DGKB: variants seen among roughly 807,000 people sequenced by gnomAD.
DGKB encodes the protein 90 kDa diacylglycerol kinase.
In DGKB, 67 loss-of-function variants were observed where a neutral mutation model predicts 114.3. That is an observed-to-expected ratio of 0.59 (90% CI 0.48 to 0.72). The LOEUF (loss-of-function observed/expected upper bound fraction) is 0.72. DGKB is among the 30% of genes least tolerant of loss of function. DGKB has a pLI of 0.00. For missense variants in DGKB, 907 were observed against 975.2 expected (o/e 0.93, Z 0.93); for synonymous variants, 398 against 323.1 (o/e 1.23, Z -2.49).
chr7:14,911,743 A>C (rs563268029), intron 1 of DGKB, among the ~76,000 whole-genome samples: 14 of 152,326 alleles, frequency 9.2e-5, no homozygotes, highest in African/African-American at 3.4e-4. Context: ...ACTATGATCC[A>C]AAACTGCAAA....
intron 21 of DGKB, among the ~76,000 whole-genome samples, chr7:14,408,085 CAT>C (rs1824237475): frequency 6.6e-6 from 1 of 152,118 alleles, no homozygotes; most frequent in Non-Finnish European, 1.5e-5. Flanking sequence ...GAAGACAAAA[CAT>C]ATTTTATCAA....
chr7:14,598,623 G>A (rs1049738482), intron 17 of DGKB, among the ~76,000 whole-genome samples: 5 of 152,032 alleles, frequency 3.3e-5, no homozygotes, highest in African/African-American at 1.2e-4. Flanking sequence ...CAGAAATTCA[G>A]AACTATTTTT....
intron 20 of DGKB, among the ~76,000 whole-genome samples, chr7:14,517,959 G>C (rs1789117151): frequency 6.6e-6 from 1 of 152,090 alleles, no homozygotes; most frequent in Non-Finnish European, 1.5e-5. Context: ...TCCCATTCTG[G>C]GGTATACGCC....
chr7:14,495,914 T>C (rs1417010660), intron 20 of DGKB, among the ~76,000 whole-genome samples: 2 of 151,864 alleles, frequency 1.3e-5, no homozygotes, highest in East Asian at 1.9e-4. Context: ...TGTTGCTAAA[T>C]TGACCACACA....
At chr7:14,164,904 AT>A (rs1784406806) in intron 25 of DGKB, among the ~76,000 whole-genome samples, 1 of 152,194 alleles carries the variant, frequency 6.6e-6, no homozygotes, top group African/African-American at 2.4e-5. Context: ...ATATATGGTA[AT>A]TTTCAACAAC....
chr7:14,885,494 T>C (rs945251583), intron 1 of DGKB, among the ~76,000 whole-genome samples: 5 of 151,610 alleles, frequency 3.3e-5, no homozygotes, highest in African/African-American at 1.2e-4. Flanking sequence ...AAGAAACTCG[T>C]GAGGAGGGTC....
intron 23 of DGKB, among the ~76,000 whole-genome samples, chr7:14,280,687 G>A (rs1451990720): frequency 6.6e-6 from 1 of 151,026 alleles, no homozygotes; most frequent in Non-Finnish European, 1.5e-5. Context: ...CAAGCCAGAA[G>A]AGAGTGGGGG....
chr7:14,890,221 T>C (rs1291238512), intron 1 of DGKB, among the ~76,000 whole-genome samples: 1 of 151,536 alleles, frequency 6.6e-6, no homozygotes, highest in Non-Finnish European at 1.5e-5. Context: ...CCTATTTATA[T>C]AGCTTACGTA....
At chr7:14,871,660 T>C (rs1354513111) in intron 1 of DGKB, among the ~76,000 whole-genome samples, 3 of 152,272 alleles carry the variant, frequency 2.0e-5, no homozygotes, top group Admixed American at 6.5e-5. Context: ...CGTAACACAA[T>C]GCTGAGAAAA....
chr7:14,731,215 T>G (rs912835597), intron 5 of DGKB, among the ~76,000 whole-genome samples: 1 of 152,180 alleles, frequency 6.6e-6, no homozygotes. Context: ...TTGTGCAGAA[T>G]CTAATTAATG....
chr7:14,405,154 T>C (rs115839344), intron 21 of DGKB, among the ~76,000 whole-genome samples: 2,815 of 152,046 alleles, frequency 0.019, 78 homozygotes, highest in African/African-American at 0.06. Context: ...AGAAATTGTG[T>C]ACAGTGTTGC....
intron 1 of DGKB, among the ~76,000 whole-genome samples, chr7:14,965,254 G>A (rs979109407): frequency 2.0e-5 from 3 of 152,084 alleles, no homozygotes; most frequent in African/African-American, 7.2e-5. Flanking sequence ...TTTGGGAGAT[G>A]GTTGTGTACA....
intron 1 of DGKB, among the ~76,000 whole-genome samples, chr7:14,946,303 A>G (rs1785876122): frequency 6.6e-6 from 1 of 151,578 alleles, no homozygotes; most frequent in Admixed American, 6.6e-5. Context: ...TTTAAGGAAA[A>G]AAAGAAATCA....
intron 21 of DGKB, among the ~76,000 whole-genome samples, chr7:14,404,389 G>C (rs567664407): frequency 3.2e-4 from 48 of 151,730 alleles, no homozygotes; most frequent in African/African-American, 1.0e-3. Context: ...ACTCTCGTGG[G>C]AGTCAAATGC....
At chr7:14,488,205 T>C (rs1442291622) in intron 20 of DGKB, among the ~76,000 whole-genome samples, 1 of 152,052 alleles carries the variant, frequency 6.6e-6, no homozygotes, top group African/African-American at 2.4e-5. Context: ...ATGAAAAAAA[T>C]TGACCTCAGA....
intron 1 of DGKB, among the ~76,000 whole-genome samples, chr7:14,868,960 C>T (rs1300467577): frequency 6.6e-6 from 1 of 152,140 alleles, no homozygotes; most frequent in Non-Finnish European, 1.5e-5. Flanking sequence ...TCCATGAAGA[C>T]ACTTGGAGAA....
chr7:14,671,065 G>A (rs1818880156), intron 13 of DGKB, among the ~76,000 whole-genome samples: 1 of 152,142 alleles, frequency 6.6e-6, no homozygotes, highest in Non-Finnish European at 1.5e-5. Flanking sequence ...CCTGCAGGTG[G>A]CAGTTCTAGG....
rs554112364 is a variant in DGKB at position 14,573,311 on chromosome 7, T to C, written c.1770+901A>G. Among the ~76,000 whole-genome samples, 8 of 152,232 alleles carry C rather than the reference T, an allele frequency of 5.3e-5. No individual in the cohort carries two copies. The South Asian group carries it at 1.5e-3, about 28-fold the overall frequency. On this transcript the variant is annotated intron_variant, in intron 20 of 25. Coordinates refer to ENST00000402815, the MANE Select transcript of DGKB (RefSeq NM_001350709.2). ...ATGTACAATCATATTTGTAACTCTA[T>C]GAGAGAGGAAATAATAACCAGCATG...
chr7:14,217,746 T>C (rs1789238003), intron 23 of DGKB, among the ~76,000 whole-genome samples: 1 of 152,094 alleles, frequency 6.6e-6, no homozygotes, highest in South Asian at 2.1e-4. Context: ...TCTAGTCCCT[T>C]ACGCTTTCCC....
Sources: gnomAD v4.1 joint callset for allele counts (sites outside exome capture counted in the v4.1 genomes callset) on GRCh38, gnomAD v4.1.1 for gene constraint, MANE v1.5 for transcripts, NCBI Gene and HGNC (gene_info 2026-07-23, HGNC 2026-07-21) for gene names.